LARS2: variants seen among roughly 807,000 people sequenced by gnomAD.
LARS2 encodes leucyl-tRNA synthetase 2, mitochondrial.
In LARS2, 81 loss-of-function variants were observed where a neutral mutation model predicts 116.6. The observed-to-expected ratio is 0.69, with a 90% CI of 0.58 to 0.84. LARS2 has a LOEUF of 0.84. Ranked by LOEUF, LARS2 falls within the 40% of genes least tolerant of loss-of-function variation. The pLI, the probability that LARS2 is intolerant of heterozygous loss-of-function variation, is 0.00. For missense variants in LARS2, 968 were observed against 1,114.5 expected, an observed-to-expected ratio of 0.87 and a Z score of 1.87; for synonymous variants, 396 against 407.2, an observed-to-expected ratio of 0.97 and a Z score of 0.33.
In LARS2 at chr3:45,458,829, A is replaced by G. The variant is rs779700014; in HGVS notation, c.693A>G (p.Ala231=). The change falls in exon 8 of 22, where the codon GCA becomes GCG. Residue 231 remains alanine (A), a synonymous_variant. Coordinates refer to ENST00000645846, the MANE Select transcript of LARS2 (RefSeq NM_015340.4). ...DEHGCSWRSG[A]KVEQKYLRQW... is the part of the protein sequence containing the mutation. Reference sequence around the variant, plus strand: ...ATGGCTGTTCATGGCGTTCTGGAGCAAAGGTGGAACAGAAGTACCTCAGAC... The same window carrying G: ...ATGGCTGTTCATGGCGTTCTGGAGCGAAGGTGGAACAGAAGTACCTCAGAC... 13 of 1,614,052 alleles carry G rather than the reference A, an allele frequency of 8.1e-6. No individual in the cohort carries two copies. Among genetic ancestry groups the G allele is most frequent in the African/African-American group, 6.7e-5 (5 of 74,948 alleles).
intron 15 of LARS2, among the ~76,000 whole-genome samples, 200 bp downstream of exon 15, chr3:45,500,779 A>G (rs2125740479): frequency 6.6e-6 from 1 of 152,338 alleles, no homozygotes; most frequent in South Asian, 2.1e-4. Context: ...GCATGCTTGC[A>G]TAGAACCTAG....
intron 7 of LARS2, among the ~76,000 whole-genome samples, chr3:45,452,907 G>A (rs1008694136): frequency 1.8e-4 from 28 of 152,124 alleles, no homozygotes; most frequent in African/African-American, 6.8e-4. Context: ...GGTTGTGTGT[G>A]TGTCCAGGAA....
At chr3:45,501,170 T>TTTTTTTTTTTTTTTTGAG (rs1553635970) in intron 15 of LARS2, among the ~76,000 whole-genome samples, 1 of 141,532 alleles carries the variant, frequency 7.1e-6, no homozygotes, top group Non-Finnish European at 1.6e-5. Context: ...ATGGAATTTT[T>TTTTTTTTTTTTTTTTGAG]ATATATGAAC....
chr3:45,417,692 A>G, intron 5 of LARS2, 119 bp downstream of exon 5: 1 of 646,314 alleles, frequency 1.5e-6, no homozygotes, highest in South Asian at 1.8e-5. Flanking sequence ...ACCAAGAGAT[A>G]AATATGATTG....
At chr3:45,479,654 C>A (rs1221900076) in intron 10 of LARS2, among the ~76,000 whole-genome samples, 9 of 152,124 alleles carry the variant, frequency 5.9e-5, no homozygotes, top group Non-Finnish European at 1.3e-4. Context: ...TTTCCATAAT[C>A]GTTGACGTCG....
At chr3:45,442,275 C>T (rs547504258) in intron 6 of LARS2, among the ~76,000 whole-genome samples, 1 of 152,162 alleles carries the variant, frequency 6.6e-6, no homozygotes, top group African/African-American at 2.4e-5. Flanking sequence ...AAGCCCCACC[C>T]CACAGACACA....
At chr3:45,426,397 G>A (rs1698595312) in intron 6 of LARS2, among the ~76,000 whole-genome samples, 1 of 152,210 alleles carries the variant, frequency 6.6e-6, no homozygotes, top group East Asian at 1.9e-4. Context: ...TCTTTCAAGT[G>A]CTCACAGAGG....
intron 4 of LARS2, among the ~76,000 whole-genome samples, chr3:45,410,660 A>C (rs1559459342): frequency 6.6e-6 from 1 of 152,150 alleles, no homozygotes; most frequent in Non-Finnish European, 1.5e-5. Context: ...TCCACATGCC[A>C]GCTTTATTTT....
In LARS2 at chr3:45,548,386, C is replaced by T. The variant is rs1700905252; in HGVS notation, c.*856C>T. 1 of 152,312 alleles carries T rather than the reference C, an allele frequency of 6.6e-6. No individual in the cohort carries two copies. The highest frequency in any genetic ancestry group is 2.1e-4 in the South Asian group (1 of 4,838). 9.4% of individuals were successfully genotyped at this position (152,312 alleles called of 1,614,324 possible). On this transcript the variant is annotated 3_prime_UTR_variant, in exon 22 of 22. Coordinates refer to ENST00000645846, the MANE Select transcript of LARS2 (RefSeq NM_015340.4). ...CCAACCTCAGAGCCCCACCGCAGCC[C>T]AGTAGGGATGCAGCACGCCCCAGAG...
intron 13 of LARS2, among the ~76,000 whole-genome samples, chr3:45,492,653 A>C (rs1355071606): frequency 2.6e-5 from 4 of 152,160 alleles, no homozygotes; most frequent in Non-Finnish European, 5.9e-5. Flanking sequence ...AAAGTCATTT[A>C]CCTTCTCTGA....
chr3:45,541,888 C>T lies in LARS2; in HGVS notation c.2464C>T (p.Leu822Phe). Reference sequence around the variant, plus strand: ...CTACACTTGGGATGCCAGTGTGCTGCTCCAGGCATGGCCTGCTGTGGACCC... The same window carrying T: ...CTACACTTGGGATGCCAGTGTGCTGTTCCAGGCATGGCCTGCTGTGGACCC... The part of the protein sequence containing the change: ...AHYTWDASVL[L>F]QAWPAVDPEF... Residue 822 changes from leucine (L) to phenylalanine (F), a missense_variant, in exon 21 of 22, where the codon CTC (leucine) becomes TTC (phenylalanine). Coordinates refer to ENST00000645846, the MANE Select transcript of LARS2 (RefSeq NM_015340.4). The T allele has an allele frequency of 6.2e-7, 1 of 1,614,254 alleles. No individual in the cohort carries two copies.
intron 10 of LARS2, among the ~76,000 whole-genome samples, chr3:45,485,424 G>T (rs1422271404): frequency 1.3e-5 from 2 of 152,166 alleles, no homozygotes; most frequent in Non-Finnish European, 2.9e-5. Context: ...ACAGTGAAGG[G>T]AATGTCATTA....
intron 20 of LARS2, among the ~76,000 whole-genome samples, chr3:45,534,941 G>A (rs1397226899): frequency 6.6e-6 from 1 of 152,110 alleles, no homozygotes; most frequent in Non-Finnish European, 1.5e-5. Flanking sequence ...CCATAATATT[G>A]TCCTATCTAG....
At chr3:45,430,427 TG>T (rs1698682877) in intron 6 of LARS2, among the ~76,000 whole-genome samples, 1 of 124,858 alleles carries the variant, frequency 8.0e-6, no homozygotes, top group Non-Finnish European at 1.7e-5. Context: ...TACAGGCGCC[TG>T]CCACCATGCC....
chr3:45,408,302 G>A (rs1475546571), intron 4 of LARS2, among the ~76,000 whole-genome samples: 1 of 152,228 alleles, frequency 6.6e-6, no homozygotes, highest in South Asian at 2.1e-4. Flanking sequence ...TGTGGCTACC[G>A]GGCCTCACCC....
chr3:45,416,913 AAAT>A (rs1354501454), intron 4 of LARS2, among the ~76,000 whole-genome samples: 1 of 151,924 alleles, frequency 6.6e-6, no homozygotes, highest in African/African-American at 2.4e-5. Flanking sequence ...TCTCTACTAA[AAAT>A]AAAAAAAATT....
At chr3:45,543,455 T>A (rs990778277) in intron 21 of LARS2, among the ~76,000 whole-genome samples, 21 of 148,958 alleles carry the variant, frequency 1.4e-4, no homozygotes, top group South Asian at 6.5e-4. Context: ...CCAGAATTTT[T>A]TTTTTTTATT....
intron 8 of LARS2, among the ~76,000 whole-genome samples, chr3:45,470,770 G>A (rs907081388): frequency 3.3e-5 from 5 of 152,052 alleles, no homozygotes; most frequent in African/African-American, 4.8e-5. Context: ...CTTGGGAGTC[G>A]ATAGGGAAGT....
At chr3:45,420,395 G>A (rs901241045) in intron 6 of LARS2, among the ~76,000 whole-genome samples, 1 of 152,116 alleles carries the variant, frequency 6.6e-6, no homozygotes, top group Admixed American at 6.5e-5. Flanking sequence ...TCTCCTCCAC[G>A]AAGGGCCCCT....
Sources: allele counts gnomAD v4.1 joint callset (sites outside exome capture counted in the v4.1 genomes callset), GRCh38; gene constraint gnomAD v4.1.1; transcripts MANE v1.5; gene names NCBI Gene and HGNC (gene_info 2026-07-23, HGNC 2026-07-21).